The following TMEM278 variants were observed in gnomAD, a reference collection of about 807,000 sequenced individuals.
The protein encoded by TMEM278 is transmembrane protein 278.
At chr1:1,429,802 C>A in the TMEM278 span, among the ~76,000 whole-genome samples, 9 of 152,294 alleles carry the variant, frequency 5.9e-5, no homozygotes, top group African/African-American at 1.9e-4. Flanking sequence ...CTGTGTGTGT[C>A]CAGGGAGTTA....
At chr1:1,426,448 T>C in the TMEM278 span, 23 of 1,273,746 alleles carry the variant, frequency 1.8e-5, no homozygotes, top group African/African-American at 2.8e-4. Context: ...GTGCCCTGGG[T>C]CTGAAGGCAC....
the TMEM278 span, chr1:1,426,371 C>T: frequency 1.9e-5 from 27 of 1,423,186 alleles, no homozygotes; most frequent in Non-Finnish European, 2.2e-5. Context: ...CCTGGGATTC[C>T]TGTGCCACTC....
the TMEM278 span, chr1:1,427,480 T>A: frequency 6.7e-6 from 1 of 149,894 alleles, no homozygotes; most frequent in Non-Finnish European, 1.3e-5. Context: ...CCCCCTCCCC[T>A]CCATCACCCT....
the TMEM278 span, among the ~76,000 whole-genome samples, chr1:1,426,908 C>T: frequency 3.6e-4 from 55 of 152,020 alleles, no homozygotes; most frequent in South Asian, 2.1e-4. Context: ...CGGCAGTGGG[C>T]GCTTTTTCTG....
At chr1:1,426,402 TG>T in the TMEM278 span, 1 of 1,358,070 alleles carries the variant, frequency 7.4e-7, no homozygotes. Context: ...CTGTGCCCCG[TG>T]GGCGGGGGAC....
the TMEM278 span, among the ~76,000 whole-genome samples, chr1:1,428,537 G>A: frequency 6.6e-6 from 1 of 152,144 alleles, no homozygotes; most frequent in Non-Finnish European, 1.5e-5. Flanking sequence ...TTTGGTGTAA[G>A]CCACAGGTCC....
chr1:1,429,151 A>G, the TMEM278 span, among the ~76,000 whole-genome samples: 8 of 152,072 alleles, frequency 5.3e-5, 1 homozygote, highest in Admixed American at 3.3e-4. Flanking sequence ...CCTGGACAAC[A>G]AGAGCAAGAC....
At chr1:1,426,160 G>C in the TMEM278 span, 7 of 1,415,008 alleles carry the variant, frequency 4.9e-6, no homozygotes, top group South Asian at 1.6e-5. Context: ...CGGAGGAGGA[G>C]GAGGGGGGAG....
the TMEM278 span, among the ~76,000 whole-genome samples, chr1:1,426,747 G>A: frequency 1.3e-5 from 2 of 151,776 alleles, no homozygotes; most frequent in Non-Finnish European, 2.9e-5. Context: ...AAACACACAA[G>A]GCCCCTCCCA....
the TMEM278 span, chr1:1,427,916 T>G: frequency 2.4e-6 from 2 of 828,644 alleles, no homozygotes; most frequent in Non-Finnish European, 3.1e-6. Context: ...GCTCCCGGCT[T>G]ACGACCCCGG....
the TMEM278 span, among the ~76,000 whole-genome samples, chr1:1,427,222 C>A: frequency 6.8e-6 from 1 of 146,746 alleles, no homozygotes; most frequent in Non-Finnish European, 1.5e-5. Context: ...TCCTCCACCC[C>A]GCTCTCTCTC....
At chr1:1,427,995 A>G in the TMEM278 span, among the ~76,000 whole-genome samples, 6,213 of 18,878 alleles carry the variant, frequency 0.33, 319 homozygotes, top group African/African-American at 0.45. Flanking sequence ...AGGGGAGGGG[A>G]AGAGAGGGGA....
chr1:1,427,871 C>A, the TMEM278 span: 1 of 1,236,582 alleles, frequency 8.1e-7, no homozygotes, highest in South Asian at 1.9e-5. Flanking sequence ...AACTGAGGGT[C>A]GCCCCCGCTG....
the TMEM278 span, among the ~76,000 whole-genome samples, chr1:1,426,844 G>T: frequency 3.3e-5 from 5 of 152,020 alleles, no homozygotes; most frequent in Non-Finnish European, 5.9e-5. Context: ...CTGGCACGGG[G>T]GCTGGCGCCA....
chr1:1,425,996 G>A, the TMEM278 span: 2 of 1,248,750 alleles, frequency 1.6e-6, no homozygotes, highest in Non-Finnish European at 2.0e-6. Flanking sequence ...CCCTAGCCAG[G>A]GTCCACGGTC....
chr1:1,428,016 AG>A, the TMEM278 span, among the ~76,000 whole-genome samples: 5 of 46,586 alleles, frequency 1.1e-4, no homozygotes, highest in East Asian at 7.7e-4. Flanking sequence ...GGGGAGGGGG[AG>A]AGAGGGGAGG....
chr1:1,427,739 C>T, the TMEM278 span: 15 of 1,303,190 alleles, frequency 1.2e-5, no homozygotes, highest in Middle Eastern at 2.8e-4. Flanking sequence ...GACCCCGCCG[C>T]CCCCCGGGGC....
At chr1:1,426,637 C>T in the TMEM278 span, among the ~76,000 whole-genome samples, 2 of 152,122 alleles carry the variant, frequency 1.3e-5, no homozygotes, top group Admixed American at 1.3e-4. Context: ...CCACCAGGGC[C>T]TGGACAGCTG....
At chr1:1,428,154 G>A in the TMEM278 span, among the ~76,000 whole-genome samples, 160 of 121,396 alleles carry the variant, frequency 1.3e-3, 4 homozygotes, top group African/African-American at 4.9e-3. Flanking sequence ...CAAAGAGAGG[G>A]GAGGTGAGGG....
Sources: allele counts gnomAD v4.1 joint callset (sites outside exome capture counted in the v4.1 genomes callset), GRCh38; gene constraint gnomAD v4.1.1; transcripts MANE v1.5; gene names NCBI Gene and HGNC (gene_info 2026-07-23, HGNC 2026-07-21).